The following CATSPERB variants were observed in gnomAD, a reference collection of about 807,000 sequenced individuals.
CATSPERB encodes catsper channel auxiliary subunit beta.
CATSPERB carries 93 observed loss-of-function variants against 128.3 expected under a neutral mutation model. That is an observed-to-expected ratio of 0.72 (90% CI 0.61 to 0.86). The LOEUF (loss-of-function observed/expected upper bound fraction) is 0.86. CATSPERB is among the 40% of genes least tolerant of loss of function. The pLI is 0.00. For synonymous variants in CATSPERB, 381 were observed against 448.8 expected, an observed-to-expected ratio of 0.85 and a Z score of 1.91; for missense variants, 1,153 against 1,329.5, an observed-to-expected ratio of 0.87 and a Z score of 2.06.
intron 18 of CATSPERB, among the ~76,000 whole-genome samples, chr14:91,623,570 C>T (rs1000412350): frequency 5.9e-5 from 9 of 152,166 alleles, no homozygotes; most frequent in South Asian, 2.1e-4. Context: ...TTCTAAGTGC[C>T]CATCTTATTT....
chr14:91,712,110 A>G (rs1895850487), intron 5 of CATSPERB, among the ~76,000 whole-genome samples: 2 of 152,248 alleles, frequency 1.3e-5, no homozygotes, highest in South Asian at 2.1e-4. Flanking sequence ...TACTTGCAGT[A>G]GAAAAAAGAA....
At chr14:91,690,826 C>CG (rs1895456225) in intron 10 of CATSPERB, among the ~76,000 whole-genome samples, 1 of 152,220 alleles carries the variant, frequency 6.6e-6, no homozygotes, top group African/African-American at 2.4e-5. Context: ...CAGTGCCTGG[C>CG]GAGGGCCACC....
intron 15 of CATSPERB, among the ~76,000 whole-genome samples, chr14:91,659,255 T>G (rs541157140): frequency 3.4e-4 from 52 of 152,350 alleles, no homozygotes; most frequent in Admixed American, 2.0e-3. Flanking sequence ...ACATTATATG[T>G]GTCAAAATAG....
At position 91,626,206 on chromosome 14, in the gene CATSPERB, TAGG is replaced by T. The variant is rs554702738; in HGVS notation, c.1743-1202_1743-1200del. On this transcript the variant is annotated intron_variant, in intron 17 of 26. Coordinates refer to ENST00000256343, the MANE Select transcript of CATSPERB (RefSeq NM_024764.4). ...CTATAAAACTCCTAAGAAGATAACATAGGAGAAAATCTAGATGACCTTGGGTAT... is the reference window on the plus strand; with the variant it reads ...CTATAAAACTCCTAAGAAGATAACATAGAAAATCTAGATGACCTTGGGTAT... 1.6e-4 allele frequency among the ~76,000 whole-genome samples: 24 copies of T among 152,162 alleles called. No individual in the cohort carries two copies. The South Asian group carries it at 4.8e-3, about 30-fold the overall frequency.
intron 15 of CATSPERB, among the ~76,000 whole-genome samples, chr14:91,658,611 G>A (rs1397661643): frequency 1.4e-5 from 2 of 148,118 alleles, no homozygotes; most frequent in Non-Finnish European, 3.0e-5. Flanking sequence ...ACCCCGATAT[G>A]ATTATTACAC....
intron 7 of CATSPERB, among the ~76,000 whole-genome samples, chr14:91,701,866 G>A (rs1175513367): frequency 4.7e-5 from 7 of 150,132 alleles, no homozygotes; most frequent in Non-Finnish European, 7.4e-5. Flanking sequence ...AGCCATGATT[G>A]TGCCTCTGCA....
chr14:91,654,042 G>A (rs1035755459), intron 15 of CATSPERB, among the ~76,000 whole-genome samples: 18 of 152,094 alleles, frequency 1.2e-4, no homozygotes, highest in African/African-American at 4.3e-4. Context: ...AACAGGAAGA[G>A]TGGGAAGAAC....
intron 21 of CATSPERB, among the ~76,000 whole-genome samples, chr14:91,609,584 T>C (rs1893783096): frequency 6.6e-6 from 1 of 152,222 alleles, no homozygotes; most frequent in Non-Finnish European, 1.5e-5. Flanking sequence ...TGTTTGTGTG[T>C]GTAAGTTTTG....
intron 17 of CATSPERB, among the ~76,000 whole-genome samples, chr14:91,628,866 C>A (rs1348299125): frequency 6.6e-6 from 1 of 152,192 alleles, no homozygotes; most frequent in Non-Finnish European, 1.5e-5. Flanking sequence ...AAAACACTGA[C>A]AACCCAAATA....
intron 22 of CATSPERB, among the ~76,000 whole-genome samples, chr14:91,597,249 C>G (rs1219209861): frequency 6.6e-6 from 1 of 152,074 alleles, no homozygotes; most frequent in Non-Finnish European, 1.5e-5. Flanking sequence ...AGCTTTAAAA[C>G]ACTTGATATT....
rs867354792 is a variant in CATSPERB at position 91,624,825 on chromosome 14, G to T, written c.1925C>A (p.Ser642Ter). The T allele has an allele frequency of 1.1e-5, 17 of 1,588,476 alleles. No homozygotes were observed. The highest frequency in any genetic ancestry group is 1.9e-5 in the Admixed American group (1 of 52,884). The stretch of plus-strand genomic sequence containing the variant: ...TATGATATTATTATACCTACCTTGT[G>T]AATCAAGAGTGAGTTTATAGACATT... Reference protein sequence around the residue: ...AGNVYKLTLDSQVVQALFEDT... With the variant: ...AGNVYKLTLD The change falls in exon 18 of 27, where the codon TCA becomes TAA. Residue 642 changes from serine to a stop codon, truncating the protein, a stop_gained. Coordinates refer to ENST00000256343, the MANE Select transcript of CATSPERB (RefSeq NM_024764.4). LOFTEE classifies it high-confidence loss of function.
intron 2 of CATSPERB, 114 bp from the exon 3 acceptor site, chr14:91,725,282 C>T (rs1367384053): frequency 8.7e-6 from 4 of 459,758 alleles, no homozygotes; most frequent in Non-Finnish European, 1.5e-5. Context: ...TATAATTGCA[C>T]ATTTTAAATT....
At chr14:91,631,072 C>A (rs1228853465) in intron 17 of CATSPERB, among the ~76,000 whole-genome samples, 2 of 152,218 alleles carry the variant, frequency 1.3e-5, no homozygotes, top group African/African-American at 4.8e-5. Flanking sequence ...CCTTCTTACT[C>A]CCTCTGTCAC....
chr14:91,638,400 C>CCT (rs1555361456), intron 16 of CATSPERB, among the ~76,000 whole-genome samples: 3 of 145,618 alleles, frequency 2.1e-5, no homozygotes, highest in Admixed American at 2.1e-4. Flanking sequence ...GCTCATGTTC[C>CCT]TTTTTTTTTT....
intron 16 of CATSPERB, among the ~76,000 whole-genome samples, chr14:91,637,501 A>G (rs1894396760): frequency 6.6e-6 from 1 of 152,180 alleles, no homozygotes; most frequent in Non-Finnish European, 1.5e-5. Flanking sequence ...ATCCTAGGGA[A>G]AGTGTATGCA....
chr14:91,684,994 G>A (rs1895349021), intron 10 of CATSPERB, among the ~76,000 whole-genome samples: 1 of 151,792 alleles, frequency 6.6e-6, no homozygotes, highest in Admixed American at 6.6e-5. Flanking sequence ...TGGCATGATC[G>A]TAGCTCACTC....
Position 91,674,327 on chromosome 14 carries a change from T to C in CATSPERB, c.932-105A>G, listed in dbSNP as rs1464657456. ...TCATGAAAATCATAGAAATTATTTT[T>C]GCAAGTAAACTTATGGTAAATGAAA... On this transcript the variant is annotated intron_variant, in intron 11 of 26. Transcript: ENST00000256343. The C allele has an allele frequency of 4.3e-6, 3 of 695,858 alleles. No individual in the cohort carries two copies. The African/African-American group carries it at 5.6e-5, about 13-fold the overall frequency. 43.1% of individuals were successfully genotyped at this position (695,858 alleles called of 1,614,324 possible).
chr14:91,592,859 C>A (rs1284683616), intron 22 of CATSPERB, among the ~76,000 whole-genome samples: 1 of 152,170 alleles, frequency 6.6e-6, no homozygotes, highest in Non-Finnish European at 1.5e-5. Context: ...TTCATGGCAG[C>A]CCCTCCCATC....
chr14:91,592,030 T>A, intron 22 of CATSPERB, 28 bp from the exon 23 acceptor site: 1 of 1,439,396 alleles, frequency 6.9e-7, no homozygotes, highest in Non-Finnish European at 9.8e-7. Context: ...AGATGTTGAC[T>A]TGTTTTTCTG....
Sources: allele counts gnomAD v4.1 joint callset (sites outside exome capture counted in the v4.1 genomes callset), GRCh38; gene constraint gnomAD v4.1.1; transcripts MANE v1.5; gene names NCBI Gene and HGNC (gene_info 2026-07-23, HGNC 2026-07-21).